Variants in FRMD5 observed in about 807,000 individuals in gnomAD.
The protein encoded by FRMD5 is FERM domain containing 5.
In FRMD5, 20 loss-of-function variants were observed where a neutral mutation model predicts 69.0. The ratio of observed to expected loss-of-function variants is 0.29; its 90% CI spans 0.20 to 0.42. The LOEUF is 0.42. Among genes scored for constraint, FRMD5 ranks in the 10% least tolerant of loss-of-function variants. The pLI is 1.00. For missense variants in FRMD5, 595 were observed against 708.6 expected (o/e 0.84, Z 1.82); for synonymous variants, 271 against 260.1 (o/e 1.04, Z -0.40).
At chr15:44,161,392 C>G (rs777026364) in intron 1 of FRMD5, among the ~76,000 whole-genome samples, 2 of 152,118 alleles carry the variant, frequency 1.3e-5, no homozygotes, top group African/African-American at 4.8e-5. Flanking sequence ...AATCATAAGC[C>G]TCTTTAGGAT....
At chr15:44,053,298 T>A (rs1459860070) in intron 1 of FRMD5, among the ~76,000 whole-genome samples, 3 of 152,184 alleles carry the variant, frequency 2.0e-5, no homozygotes, top group African/African-American at 7.2e-5. Flanking sequence ...AAAGATTTAG[T>A]CTTTATTTTA....
intron 1 of FRMD5, among the ~76,000 whole-genome samples, chr15:44,036,838 G>A (rs1248823912): frequency 6.6e-6 from 1 of 152,126 alleles, no homozygotes; most frequent in Admixed American, 6.5e-5. Flanking sequence ...TCATATTCCT[G>A]ACTCTGCCAC....
chr15:43,947,050 C>T (rs1487779593), intron 1 of FRMD5, among the ~76,000 whole-genome samples: 3 of 151,996 alleles, frequency 2.0e-5, no homozygotes, highest in Non-Finnish European at 4.4e-5. Flanking sequence ...TGAACTGGTT[C>T]AAAAGAAAAA....
intron 1 of FRMD5, among the ~76,000 whole-genome samples, chr15:43,933,340 G>T (rs892182213): frequency 6.6e-6 from 1 of 152,156 alleles, no homozygotes; most frequent in Non-Finnish European, 1.5e-5. Context: ...ACCATACTCC[G>T]GACCATTGGT....
chr15:43,960,006 C>G (rs2090171510), intron 1 of FRMD5, among the ~76,000 whole-genome samples: 1 of 152,202 alleles, frequency 6.6e-6, no homozygotes, highest in African/African-American at 2.4e-5. Context: ...CAACCTCCAC[C>G]TCCTGGGTTC....
chr15:44,092,381 G>A (rs949220220), intron 1 of FRMD5, among the ~76,000 whole-genome samples: 2 of 152,102 alleles, frequency 1.3e-5, no homozygotes, highest in South Asian at 2.1e-4. Flanking sequence ...CCAAATTAAC[G>A]TTGCTAAGAT....
Position 43,873,808 on chromosome 15 carries a change from G to A in FRMD5, c.*77C>T, listed in dbSNP as rs936947960. 3.2e-6 allele frequency: 5 copies of A among 1,573,384 alleles called. No homozygotes were observed. Among genetic ancestry groups the A allele is most frequent in the African/African-American group, 1.4e-5 (1 of 73,644 alleles). ...TTGGTATATGTGCCGATGGTTCCGC[G>A]ATGGGTCCCATTGCTGGGAATGGGT... On this transcript the variant is annotated 3_prime_UTR_variant, in exon 14 of 14. Coordinates refer to ENST00000417257, the MANE Select transcript of FRMD5 (RefSeq NM_032892.5).
chr15:44,027,651 G>GTTTTTTTTTTTTTT (rs759567597), intron 1 of FRMD5, among the ~76,000 whole-genome samples: 2 of 73,950 alleles, frequency 2.7e-5, no homozygotes, highest in East Asian at 4.2e-4. Context: ...TTTTTTTTTT[G>GTTTTTTTTTTTTTT]TTTTTTTTTT....
rs149131738 is a variant in FRMD5, at chr15:44,113,256, G to C, written c.102+81697C>G. On this transcript the variant is annotated intron_variant, in intron 1 of 13. Transcript: ENST00000417257. ...TCAAAAGAAACAATCTGCATTGTAG[G>C]GTTTTGCTCCCTTCTCATTTCGCAT... Among the ~76,000 whole-genome samples, 468 of 152,288 alleles carry C rather than the reference G, an allele frequency of 3.1e-3. 3 individuals carry two copies. The highest frequency in any genetic ancestry group is 0.011 in the African/African-American group (437 of 41,566).
chr15:44,025,664 T>G (rs1595639464), intron 1 of FRMD5, among the ~76,000 whole-genome samples: 1 of 152,130 alleles, frequency 6.6e-6, no homozygotes, highest in Non-Finnish European at 1.5e-5. Flanking sequence ...TTTGGTACAG[T>G]AGGATCTGTG....
At chr15:43,976,113 ATT>A (rs2090458516) in intron 1 of FRMD5, among the ~76,000 whole-genome samples, 1 of 131,308 alleles carries the variant, frequency 7.6e-6, no homozygotes, top group Admixed American at 6.8e-5. Flanking sequence ...TGTTCCATAT[ATT>A]AAAAAAAAAA....
intron 1 of FRMD5, among the ~76,000 whole-genome samples, chr15:44,182,278 T>A (rs988735172): frequency 6.6e-6 from 1 of 151,778 alleles, no homozygotes; most frequent in Non-Finnish European, 1.5e-5. Context: ...CCCAAAGTCC[T>A]GGGATTACAG....
At chr15:43,996,791 T>A (rs1453078749) in intron 1 of FRMD5, among the ~76,000 whole-genome samples, 2 of 142,320 alleles carry the variant, frequency 1.4e-5, no homozygotes, top group Non-Finnish European at 3.0e-5. Context: ...GTGTTCTGCA[T>A]GTTGAAAATG....
intron 1 of FRMD5, among the ~76,000 whole-genome samples, chr15:44,040,095 A>G (rs910097993): frequency 2.0e-5 from 3 of 152,206 alleles, no homozygotes; most frequent in Middle Eastern, 3.4e-3. Flanking sequence ...GATGAACTCA[A>G]TGAAATAAAG....
intron 1 of FRMD5, among the ~76,000 whole-genome samples, chr15:43,982,376 A>G (rs565946240): frequency 2.0e-5 from 3 of 152,328 alleles, no homozygotes; most frequent in South Asian, 2.1e-4. Context: ...TCAATCCAGT[A>G]AAAGGATTCT....
chr15:43,907,039 C>T (rs1021523254), intron 5 of FRMD5, among the ~76,000 whole-genome samples: 6 of 152,110 alleles, frequency 3.9e-5, no homozygotes, highest in Non-Finnish European at 8.8e-5. Context: ...AGAAGACCCA[C>T]GGTACTTTCC....
chr15:44,140,105 A>T (rs547054585), intron 1 of FRMD5, among the ~76,000 whole-genome samples: 1 of 152,270 alleles, frequency 6.6e-6, no homozygotes, highest in Non-Finnish European at 1.5e-5. Flanking sequence ...ACACATATAG[A>T]TATAAAACTG....
intron 1 of FRMD5, among the ~76,000 whole-genome samples, chr15:44,012,592 G>T (rs1246230686): frequency 1.3e-4 from 20 of 152,064 alleles, no homozygotes; most frequent in Admixed American, 1.3e-3. Context: ...AACAGATACG[G>T]TATTGAGAAG....
chr15:43,934,385 A>C (rs2089724444), intron 1 of FRMD5, among the ~76,000 whole-genome samples: 1 of 152,196 alleles, frequency 6.6e-6, no homozygotes, highest in Non-Finnish European at 1.5e-5. Context: ...AAATCCTCTG[A>C]TTCTGTTATT....
Sources: allele counts gnomAD v4.1 joint callset (sites outside exome capture counted in the v4.1 genomes callset), GRCh38; gene constraint gnomAD v4.1.1; transcripts MANE v1.5; gene names NCBI Gene and HGNC (gene_info 2026-07-23, HGNC 2026-07-21).